PAK5: variants seen among roughly 807,000 people sequenced by gnomAD.
PAK5 encodes the protein serine/threonine-protein kinase PAK 5.
PAK5 carries 16 observed loss-of-function variants against 65.9 expected under a neutral mutation model. The ratio of observed to expected loss-of-function variants is 0.24; its 90% CI spans 0.16 to 0.37. The LOEUF (loss-of-function observed/expected upper bound fraction) is 0.37. Among genes scored for constraint, PAK5 ranks in the 10% least tolerant of loss-of-function variants. The pLI is 1.00. For synonymous variants in PAK5, 371 were observed against 354.9 expected, an observed-to-expected ratio of 1.05 and a Z score of -0.51; for missense variants, 785 against 903.9, an observed-to-expected ratio of 0.87 and a Z score of 1.69.
intron 2 of PAK5, among the ~76,000 whole-genome samples, chr20:9,673,068 C>T (rs1455322737): frequency 2.6e-5 from 4 of 152,088 alleles, no homozygotes; most frequent in African/African-American, 9.7e-5. Flanking sequence ...AAAAAAATAA[C>T]ATGGGCAAGA....
intron 3 of PAK5, among the ~76,000 whole-genome samples, chr20:9,618,948 T>A (rs1490914028): frequency 4.0e-5 from 5 of 124,932 alleles, no homozygotes; most frequent in African/African-American, 5.9e-5. Flanking sequence ...TTTTTTTTTT[T>A]TAATCTCACT....
chr20:9,699,839 G>A (rs529407474), intron 2 of PAK5, among the ~76,000 whole-genome samples: 2 of 152,170 alleles, frequency 1.3e-5, no homozygotes. Context: ...GTTGGTGAAG[G>A]GTTGGAAGGG....
chr20:9,808,786 T>C (rs2049262774), intron 1 of PAK5, among the ~76,000 whole-genome samples: 1 of 152,158 alleles, frequency 6.6e-6, no homozygotes, highest in Non-Finnish European at 1.5e-5. Context: ...TCTGAGTTGA[T>C]GAGAAGGCTC....
At chr20:9,560,592 GCTCACGTGATCCTCCTGCCT>G (rs1214854488) in intron 6 of PAK5, among the ~76,000 whole-genome samples, 2 of 152,160 alleles carry the variant, frequency 1.3e-5, no homozygotes, top group Non-Finnish European at 2.9e-5. Context: ...GAACTCCTGT[GCTCACGTGATCCTCCTGCCT>G]TGGTCTCCCA....
At chr20:9,708,128 C>T (rs2048031598) in intron 2 of PAK5, among the ~76,000 whole-genome samples, 2 of 152,118 alleles carry the variant, frequency 1.3e-5, no homozygotes, top group Admixed American at 1.3e-4. Flanking sequence ...TTTTGTATCT[C>T]AGAATCTAAA....
chr20:9,566,224 T>C lies in PAK5; in HGVS notation c.1151A>G (p.His384Arg). Residue 384 changes from histidine (H) to arginine (R), a missense_variant, in exon 5 of 10, where the codon CAT (histidine) becomes CGT (arginine). By Grantham distance (29) the His-to-Arg change is conservative. Transcript: ENST00000353224. ...CGAACTGCTCTGCAGGGAGGGGTGA[T>C]GGTACAAGGTGGCTTTGTGGTACCC... ...PSGYHKATLYHHPSLQSSSQY... is the reference protein window; with the variant it reads ...PSGYHKATLYRHPSLQSSSQY... 7.4e-6 allele frequency: 12 copies of C among 1,613,802 alleles called. No homozygotes were observed. Among genetic ancestry groups the C allele is most frequent in the Non-Finnish European group, 1.0e-5 (12 of 1,179,946 alleles).
intron 2 of PAK5, among the ~76,000 whole-genome samples, chr20:9,675,832 C>T (rs2047563008): frequency 6.6e-6 from 1 of 152,136 alleles, no homozygotes; most frequent in Admixed American, 6.5e-5. Context: ...TGTCTTGCTG[C>T]TTATTCTGTT....
intron 2 of PAK5, among the ~76,000 whole-genome samples, chr20:9,684,973 G>T (rs1238399072): frequency 3.3e-5 from 5 of 152,098 alleles, no homozygotes; most frequent in Admixed American, 2.6e-4. Flanking sequence ...AGGACCACTT[G>T]CCAGCCCCAA....
intron 3 of PAK5, among the ~76,000 whole-genome samples, chr20:9,596,635 C>CAAAAAA (rs35576059): frequency 4.5e-4 from 24 of 52,784 alleles, no homozygotes; most frequent in East Asian, 8.4e-4. Context: ...GACTCCGTCT[C>CAAAAAA]AAAAAAAAAA....
Position 9,580,810 on chromosome 20 carries a change from C to G in PAK5, c.325G>C (p.Asp109His), listed in dbSNP as rs772596554. ...SLRKESPPTP[D>H]QGASSHGPGH... ...GGACCGTGGCTGGAGGCTCCCTGAT[C>G]TGGGGTGGGTGGGCTTTCTTTCCTT... Residue 109 changes from aspartate (D) to histidine (H), a missense_variant, in exon 4 of 10, where the codon GAT becomes CAT. By Grantham distance (81) the Asp-to-His change is moderately conservative (BLOSUM62 -1). Transcript: ENST00000353224. 1.2e-6 allele frequency: 2 copies of G among 1,613,936 alleles called. No homozygotes were observed. The highest frequency in any genetic ancestry group is 2.2e-5 in the South Asian group (2 of 91,046).
rs377720048 is a variant in PAK5 at position 9,580,863 on chromosome 20, T to C, written c.272A>G (p.Asn91Ser). 9.4e-5 allele frequency: 152 copies of C among 1,613,074 alleles called. No homozygotes were observed. Among genetic ancestry groups the C allele is most frequent in the Non-Finnish European group, 1.3e-4 (148 of 1,179,688 alleles). ...SINGLLEDFD[N>S]ISVTRSNSLR... ...GGAGTTGGAGCGAGTCACCGAGATG[T>C]TGTCAAAATCCTCTAGCAGGCCGTT... Residue 91 changes from asparagine (N) to serine (S), a missense_variant, in exon 4 of 10, where the codon AAC becomes AGC. Coordinates refer to ENST00000353224, the MANE Select transcript of PAK5 (RefSeq NM_177990.4).
Position 9,538,800 on chromosome 20 carries a change from A to T in PAK5, c.*662T>A. The T allele has an allele frequency of 4.3e-6, 1 of 233,448 alleles. No individual in the cohort carries two copies. The allele number at this position is 233,448 out of a possible 1,614,324, so 14.5% of individuals were successfully genotyped here. A position where few individuals can be genotyped will look rare whatever the true frequency, so the allele number is the denominator to read the frequency against. On this transcript the variant is annotated 3_prime_UTR_variant, in exon 10 of 10. Transcript: ENST00000353224. ...TAATTCTTCTTCCACCAAATAAGAC[A>T]CTTGTTAGGATAAGAAAGAGATTTT...
At position 9,565,751 on chromosome 20, in the gene PAK5, AG is replaced by A. The variant is rs1603213013; in HGVS notation, c.1482+141del. 4.8e-6 allele frequency: 4 copies of A among 841,638 alleles called. No homozygotes were observed. The East Asian group carries it at 9.8e-5, about 21-fold the overall frequency. 52.1% of individuals were successfully genotyped at this position (841,638 alleles called of 1,614,324 possible). A position where few individuals can be genotyped will look rare whatever the true frequency, so the allele number is the denominator to read the frequency against. ...ATATGTGCATAGAAAAAAGACTAGAAGGAAATATTACAGGGGACGCTATTTT... is the reference window on the plus strand; with the variant it reads ...ATATGTGCATAGAAAAAAGACTAGAAGAAATATTACAGGGGACGCTATTTT... On this transcript the variant is annotated intron_variant, in intron 5 of 9. Transcript: ENST00000353224.
chr20:9,735,132 A>G (rs1386325753), intron 1 of PAK5, among the ~76,000 whole-genome samples: 1 of 152,200 alleles, frequency 6.6e-6, no homozygotes. Context: ...GGCCTAAGAA[A>G]GAATTTCCAG....
intron 7 of PAK5, among the ~76,000 whole-genome samples, chr20:9,552,877 T>G (rs1343221141): frequency 1.3e-5 from 2 of 151,938 alleles, no homozygotes; most frequent in Admixed American, 6.6e-5. Context: ...AATGCCACCA[T>G]ATCCAGCTAA....
intron 2 of PAK5, among the ~76,000 whole-genome samples, chr20:9,659,306 A>T (rs1290575400): frequency 1.3e-5 from 2 of 152,212 alleles, no homozygotes; most frequent in Non-Finnish European, 2.9e-5. Context: ...AACCTTATGT[A>T]ACCTTAATTT....
chr20:9,730,335 T>C (rs1345603792), intron 1 of PAK5, among the ~76,000 whole-genome samples: 1 of 152,172 alleles, frequency 6.6e-6, no homozygotes, highest in Admixed American at 6.5e-5. Context: ...ATGCCAGCTT[T>C]CATCAATAAA....
intron 1 of PAK5, among the ~76,000 whole-genome samples, chr20:9,766,011 CAA>C (rs1254030815): frequency 2.6e-5 from 4 of 152,008 alleles, no homozygotes; most frequent in Non-Finnish European, 1.5e-5. Context: ...ATCACGAGGT[CAA>C]GAGATCAAGA....
intron 1 of PAK5, among the ~76,000 whole-genome samples, chr20:9,778,620 C>T (rs1428742966): frequency 6.6e-6 from 1 of 152,076 alleles, no homozygotes. Context: ...GTGAGTTGTC[C>T]CATTTGATAG....
Sources: gnomAD v4.1 joint callset for allele counts (sites outside exome capture counted in the v4.1 genomes callset) on GRCh38, gnomAD v4.1.1 for gene constraint, MANE v1.5 for transcripts, NCBI Gene and HGNC (gene_info 2026-07-23, HGNC 2026-07-21) for gene names.